CHODL: variants seen among roughly 807,000 people sequenced by gnomAD.
CHODL encodes the protein transmembrane protein MT75.
CHODL carries 29 observed loss-of-function variants against 34.5 expected under a neutral mutation model. The ratio of observed to expected loss-of-function variants is 0.84; its 90% CI spans 0.63 to 1.15. The LOEUF (loss-of-function observed/expected upper bound fraction) is 1.15, where lower values mean the gene tolerates loss of function less well. Ranked by LOEUF, CHODL falls within the 50% of genes most tolerant of loss-of-function variation. The probability of loss-of-function intolerance (pLI) is 0.00; values close to 1 mark genes in which losing one functional copy is unlikely to be tolerated. For synonymous variants in CHODL, 125 were observed against 116.1 expected (o/e 1.08, Z -0.49); for missense variants, 332 against 332.5 (o/e 1.00, Z 0.01).
intron 2 of CHODL, among the ~76,000 whole-genome samples, chr21:18,064,044 C>A (rs2064701516): frequency 6.6e-6 from 1 of 152,170 alleles, no homozygotes; most frequent in African/African-American, 2.4e-5. Context: ...GTAGATAAAT[C>A]TTCACTTCTA....
intron 1 of CHODL, among the ~76,000 whole-genome samples, chr21:17,966,320 G>A (rs889245318): frequency 2.0e-5 from 3 of 152,086 alleles, no homozygotes; most frequent in Non-Finnish European, 1.5e-5. Context: ...CTGGTTTAAC[G>A]ATCAGTTAAA....
intron 1 of CHODL, among the ~76,000 whole-genome samples, chr21:18,253,520 C>A (rs9808693): frequency 2.6e-5 from 4 of 151,958 alleles, no homozygotes; most frequent in African/African-American, 9.7e-5. Flanking sequence ...AAATGGAAAC[C>A]GCATGCTTCT....
intron 2 of CHODL, among the ~76,000 whole-genome samples, chr21:18,203,208 T>C (rs1225283459): frequency 6.6e-6 from 1 of 152,180 alleles, no homozygotes; most frequent in Non-Finnish European, 1.5e-5. Flanking sequence ...GTTTTCATGA[T>C]AAGGGAAATA....
chr21:18,244,881 T>C lies in CHODL; in HGVS notation c.-343T>C, dbSNP rs2074117816. On this transcript the variant is annotated 5_prime_UTR_variant, in exon 1 of 6. Coordinates refer to ENST00000299295, the MANE Select transcript of CHODL (RefSeq NM_024944.3). ...GGGCGCACCGGCTCAGCCTCTCACT[T>C]GTCAGAGGCCGGGGAAGAGAAGCAA... 1 of 256,456 alleles carries C rather than the reference T, an allele frequency of 3.9e-6. No homozygotes were observed. The highest frequency in any genetic ancestry group is 7.3e-6 in the Non-Finnish European group (1 of 136,146). The allele number at this position is 256,456 out of a possible 1,614,324, so 15.9% of individuals were successfully genotyped here.
At chr21:18,061,188 C>T (rs157059) in intron 2 of CHODL, among the ~76,000 whole-genome samples, 70,123 of 151,936 alleles carry the variant, frequency 0.46, 16,952 homozygotes, top group Middle Eastern at 0.53. Context: ...TGCCAGAAAG[C>T]GAAAAGCAAA....
At chr21:18,127,701 T>TTTTA (rs2072592150) in intron 2 of CHODL, among the ~76,000 whole-genome samples, 1 of 128,102 alleles carries the variant, frequency 7.8e-6, no homozygotes, top group Non-Finnish European at 1.6e-5. Flanking sequence ...TTTTTTTTTT[T>TTTTA]AGCTTAAAAC....
intron 2 of CHODL, among the ~76,000 whole-genome samples, chr21:18,098,906 G>T (rs984201418): frequency 2.7e-5 from 4 of 146,384 alleles, no homozygotes; most frequent in African/African-American, 9.9e-5. Context: ...AAAAATGAAT[G>T]ATATTCTGTT....
intron 2 of CHODL, among the ~76,000 whole-genome samples, chr21:18,194,418 A>AT (rs1409583068): frequency 5.3e-5 from 8 of 152,146 alleles, no homozygotes; most frequent in Non-Finnish European, 1.0e-4. Flanking sequence ...AGCCAAGCTC[A>AT]TCCCCAGCTT....
Position 18,053,382 on chromosome 21 carries a change from T to G in CHODL, c.-45+25411T>G, listed in dbSNP as rs182261364. On this transcript the variant is annotated intron_variant, in intron 2 of 6. Coordinates refer to the CHODL transcript ENST00000400127. ...CATTCTGCATTGACCTCAGAAGACATTTTGTTGCCTGCAGAATTGCCAATA... is the reference window on the plus strand; with the variant it reads ...CATTCTGCATTGACCTCAGAAGACAGTTTGTTGCCTGCAGAATTGCCAATA... Among the ~76,000 whole-genome samples, 577 of 152,058 alleles carry G rather than the reference T, an allele frequency of 3.8e-3. 3 individuals carry two copies. Among genetic ancestry groups the G allele is most frequent in the African/African-American group, 0.013 (546 of 41,546 alleles).
rs1476059386 is a variant in CHODL, at chr21:18,083,613, C to T, written c.-45+55642C>T. Reference sequence around the variant, plus strand: ...CAGAGCTTCCCAAGACCATGAGAACCCATCTGTTACATCAGTGTGCCCTGG... The same window carrying T: ...CAGAGCTTCCCAAGACCATGAGAACTCATCTGTTACATCAGTGTGCCCTGG... On this transcript the variant is annotated intron_variant, in intron 2 of 6. Coordinates refer to the CHODL transcript ENST00000400127. Among the ~76,000 whole-genome samples the T allele has an allele frequency of 3.3e-5, 5 of 152,222 alleles. No individual in the cohort carries two copies. The East Asian group carries it at 9.6e-4, about 29-fold the overall frequency.
At chr21:18,001,773 CTTTTTTTTTTTT>C (rs59908803) in intron 1 of CHODL, among the ~76,000 whole-genome samples, 4 of 124,188 alleles carry the variant, frequency 3.2e-5, no homozygotes, top group African/African-American at 5.6e-5. Context: ...GCCTCATCCT[CTTTTTTTTTTTT>C]TTTTTTTTTT....
At chr21:18,255,138 A>G (rs1314569815) in intron 1 of CHODL, among the ~76,000 whole-genome samples, 3 of 152,104 alleles carry the variant, frequency 2.0e-5, no homozygotes, top group African/African-American at 7.2e-5. Context: ...CAGGTTTAAG[A>G]TAAAAAATAG....
chr21:18,129,400 C>T (rs761028408), intron 2 of CHODL, among the ~76,000 whole-genome samples: 5 of 152,198 alleles, frequency 3.3e-5, no homozygotes, highest in East Asian at 1.9e-4. Context: ...CTCCTGGCAA[C>T]ATCTATTCAG....
At chr21:18,250,845 G>A (rs2074227205) in intron 1 of CHODL, among the ~76,000 whole-genome samples, 1 of 151,798 alleles carries the variant, frequency 6.6e-6, no homozygotes, top group African/African-American at 2.4e-5. Context: ...CCATGTGGAT[G>A]CTCTTTTTTA....
At chr21:18,018,493 C>G (rs1442564586) in intron 1 of CHODL, among the ~76,000 whole-genome samples, 1 of 152,162 alleles carries the variant, frequency 6.6e-6, no homozygotes, top group Non-Finnish European at 1.5e-5. Flanking sequence ...ACCTTCACCC[C>G]CACTCTCTCT....
rs765122381 is a variant in CHODL at position 17,947,163 on chromosome 21, T to C, written c.-145+29763T>C. ...GTTTTAAATCATGTCTAGTACTTGT[T>C]CTGATCATAATGGTTTAAAACTAGA... On this transcript the variant is annotated intron_variant, in intron 1 of 6. Transcript: ENST00000400127. Among the ~76,000 whole-genome samples the C allele has an allele frequency of 2.0e-5, 3 of 152,172 alleles. No homozygotes were observed. The South Asian group carries it at 6.2e-4, about 32-fold the overall frequency.
intron 2 of CHODL, among the ~76,000 whole-genome samples, chr21:18,174,044 G>A (rs919678324): frequency 8.1e-6 from 1 of 123,048 alleles, no homozygotes; most frequent in African/African-American, 2.7e-5. Context: ...ATAACCATCC[G>A]TACTGTTCAT....
At chr21:18,176,899 G>A (rs376453403) in intron 2 of CHODL, among the ~76,000 whole-genome samples, 2 of 151,862 alleles carry the variant, frequency 1.3e-5, no homozygotes, top group East Asian at 3.9e-4. Context: ...CCATGAGACA[G>A]GCAACATAAG....
At chr21:18,002,678 C>T (rs1161338750) in intron 1 of CHODL, among the ~76,000 whole-genome samples, 1 of 152,126 alleles carries the variant, frequency 6.6e-6, no homozygotes, top group Non-Finnish European at 1.5e-5. Flanking sequence ...TCATCAAGCC[C>T]CATAGCCTCA....
Sources: gnomAD v4.1 joint callset for allele counts (sites outside exome capture counted in the v4.1 genomes callset) on GRCh38, gnomAD v4.1.1 for gene constraint, MANE v1.5 for transcripts, NCBI Gene and HGNC (gene_info 2026-07-23, HGNC 2026-07-21) for gene names.